Variants in TTBK2 observed in about 807,000 individuals in gnomAD.
The protein encoded by TTBK2 is tau tubulin kinase 2.
Under a neutral mutation model 110.8 loss-of-function variants are expected in TTBK2, and 28 were observed. The observed-to-expected ratio is 0.25, with a 90% CI of 0.19 to 0.35. The LOEUF is 0.35. Among genes scored for constraint, TTBK2 ranks in the 10% least tolerant of loss-of-function variants. The pLI, the probability that TTBK2 is intolerant of heterozygous loss-of-function variation, is 1.00. For missense variants in TTBK2, 1,369 were observed against 1,500.3 expected (o/e 0.91, Z 1.45); for synonymous variants, 532 against 527.3 (o/e 1.01, Z -0.12).
At chr15:42,890,534 C>G (rs1895415480) in intron 1 of TTBK2, among the ~76,000 whole-genome samples, 1 of 152,144 alleles carries the variant, frequency 6.6e-6, no homozygotes, top group Admixed American at 6.5e-5. Context: ...TTCTGAGAGC[C>G]ATTCTAGCAA....
intron 3 of TTBK2, among the ~76,000 whole-genome samples, chr15:42,849,726 T>C (rs1484189385): frequency 6.6e-6 from 1 of 152,184 alleles, no homozygotes; most frequent in East Asian, 1.9e-4. Flanking sequence ...GTTCCATAAG[T>C]ACCCCACGTG....
intron 4 of TTBK2, among the ~76,000 whole-genome samples, chr15:42,835,847 A>T (rs1284134855): frequency 6.6e-6 from 1 of 152,184 alleles, no homozygotes; most frequent in Non-Finnish European, 1.5e-5. Flanking sequence ...TTGAAACAAG[A>T]TTAGCCATAT....
intron 14 of TTBK2, among the ~76,000 whole-genome samples, chr15:42,749,522 A>G (rs1246579458): frequency 1.3e-5 from 2 of 152,210 alleles, no homozygotes; most frequent in South Asian, 2.1e-4. Flanking sequence ...CACAGCTTAC[A>G]AGAACCAGGT....
chr15:42,785,214 G>A (rs1442729518), intron 10 of TTBK2, among the ~76,000 whole-genome samples: 1 of 149,764 alleles, frequency 6.7e-6, no homozygotes. Context: ...CCGCCCCCGG[G>A]GTTCAAGCGA....
intron 11 of TTBK2, among the ~76,000 whole-genome samples, chr15:42,781,179 T>C (rs1284151001): frequency 3.3e-5 from 5 of 151,384 alleles, no homozygotes; most frequent in Middle Eastern, 3.4e-3. Context: ...TCTGACAAAA[T>C]AGGCTTTAAT....
At chr15:42,828,977 T>C (rs1278847824) in intron 5 of TTBK2, among the ~76,000 whole-genome samples, 1 of 152,174 alleles carries the variant, frequency 6.6e-6, no homozygotes, top group Non-Finnish European at 1.5e-5. Flanking sequence ...GTTTTAATAT[T>C]GTTCTACTTA....
At chr15:42,767,874 G>A (rs1303052746) in intron 13 of TTBK2, among the ~76,000 whole-genome samples, 1 of 152,176 alleles carries the variant, frequency 6.6e-6, no homozygotes, top group Admixed American at 6.5e-5. Context: ...TAAAATACCG[G>A]CAAACCGAAT....
chr15:42,840,548 C>T, intron 3 of TTBK2, 115 bp from the exon 4 acceptor site: 2 of 956,880 alleles, frequency 2.1e-6, no homozygotes, highest in South Asian at 1.3e-5. Context: ...ATCTTGAGAA[C>T]CTTAAGGATA....
rs1449021211 is a variant in TTBK2, at chr15:42,743,841, CAT to C, written c.*1952_*1953del. 2 of 151,750 alleles carry C rather than the reference CAT, an allele frequency of 1.3e-5. No individual in the cohort carries two copies. The highest frequency in any genetic ancestry group is 2.1e-4 in the South Asian group (1 of 4,830). The allele number at this position is 151,750 out of a possible 1,614,324, so 9.4% of individuals were successfully genotyped here. A position where few individuals can be genotyped will look rare whatever the true frequency, so the allele number is the denominator to read the frequency against. The stretch of plus-strand genomic sequence containing the variant: ...ACTCTGAGGTGTCACATGCCAAGAA[CAT>C]AGTTTCAGAAAATGAAGATAGGCAA... On this transcript the variant is annotated 3_prime_UTR_variant, in exon 15 of 15. Coordinates refer to ENST00000267890, the MANE Select transcript of TTBK2 (RefSeq NM_173500.4).
chr15:42,804,249 A>G (rs1382431046), intron 9 of TTBK2, among the ~76,000 whole-genome samples: 3 of 148,938 alleles, frequency 2.0e-5, no homozygotes, highest in African/African-American at 5.2e-5. Context: ...GTTCGAGACC[A>G]GCCTGACCAA....
chr15:42,776,689 C>G (rs939888465), intron 12 of TTBK2, among the ~76,000 whole-genome samples: 1 of 152,178 alleles, frequency 6.6e-6, no homozygotes, highest in Non-Finnish European at 1.5e-5. Flanking sequence ...CATGCCCTCT[C>G]CAGCACTACA....
At chr15:42,801,130 C>A in intron 9 of TTBK2, 1 of 997,700 alleles carries the variant, frequency 1.0e-6, no homozygotes, top group Non-Finnish European at 1.6e-6. Flanking sequence ...CTTGTGAGGC[C>A]CCCATAGGCC....
At chr15:42,816,419 C>T (rs959304000) in intron 7 of TTBK2, among the ~76,000 whole-genome samples, 2 of 151,812 alleles carry the variant, frequency 1.3e-5, no homozygotes, top group Non-Finnish European at 2.9e-5. Flanking sequence ...TAATTAAGGA[C>T]ACAGATTTCC....
chr15:42,887,298 T>C (rs1024505979), intron 1 of TTBK2, among the ~76,000 whole-genome samples: 5 of 152,166 alleles, frequency 3.3e-5, no homozygotes, highest in African/African-American at 7.2e-5. Context: ...CCACACCTCA[T>C]TGCTGCCTTT....
rs556219529 is a variant in TTBK2 at position 42,819,391 on chromosome 15, G to T, written c.538-2294C>A. Among the ~76,000 whole-genome samples, 104 of 149,426 alleles carry T rather than the reference G, an allele frequency of 7.0e-4. 2 individuals carry two copies. In the South Asian group the frequency reaches 0.022, roughly 31 times the overall value. ...CCTTACCAGAATAATTTGGTTGTATGTTATTGCACAGGATAAACAATCTAT... is the reference window on the plus strand; with the variant it reads ...CCTTACCAGAATAATTTGGTTGTATTTTATTGCACAGGATAAACAATCTAT... On this transcript the variant is annotated intron_variant, in intron 6 of 14. Transcript: ENST00000267890.
At chr15:42,897,823 TACAC>T (rs60880098) in intron 1 of TTBK2, among the ~76,000 whole-genome samples, 42,557 of 140,406 alleles carry the variant, frequency 0.3, 6,252 homozygotes, top group South Asian at 0.38. Context: ...CCAGTAGTGG[TACAC>T]ACACACACAC....
chr15:42,902,263 G>A (rs1019906390), intron 1 of TTBK2, among the ~76,000 whole-genome samples: 7 of 151,244 alleles, frequency 4.6e-5, no homozygotes, highest in African/African-American at 1.7e-4. Flanking sequence ...GCTCACGCCT[G>A]TAATCCCAGC....
chr15:42,851,442 TG>T (rs1302527507), intron 3 of TTBK2, among the ~76,000 whole-genome samples: 3 of 152,046 alleles, frequency 2.0e-5, no homozygotes, highest in Non-Finnish European at 2.9e-5. Context: ...TACTAAAGGC[TG>T]GGGAGTGACA....
At position 42,742,665 on chromosome 15, in the gene TTBK2, C is replaced by T. The variant is rs1465705112; in HGVS notation, c.*3130G>A. On this transcript the variant is annotated 3_prime_UTR_variant, in exon 15 of 15. Transcript: ENST00000267890. ...GGGCAACTGTGACTGACTAGGTAAC[C>T]AGCTATTCTGTTGTGACAGAAGAAA... The T allele has an allele frequency of 6.6e-6, 1 of 152,166 alleles. No homozygotes were observed. Among genetic ancestry groups the T allele is most frequent in the African/African-American group, 2.4e-5 (1 of 41,434 alleles). The allele number at this position is 152,166 out of a possible 1,614,324, so 9.4% of individuals were successfully genotyped here. A position where few individuals can be genotyped will look rare whatever the true frequency, so the allele number is the denominator to read the frequency against.
Sources: gnomAD v4.1 joint callset for allele counts (sites outside exome capture counted in the v4.1 genomes callset) on GRCh38, gnomAD v4.1.1 for gene constraint, MANE v1.5 for transcripts, NCBI Gene and HGNC (gene_info 2026-07-23, HGNC 2026-07-21) for gene names.